DGKB: variants seen among roughly 807,000 people sequenced by gnomAD.
DGKB encodes 90 kDa diacylglycerol kinase.
A neutral mutation model predicts 114.3 loss-of-function variants in DGKB; 67 were observed. The observed-to-expected ratio is 0.59, with a 90% CI of 0.48 to 0.72. The LOEUF (loss-of-function observed/expected upper bound fraction) is 0.72, where lower values mean the gene tolerates loss of function less well. Among genes scored for constraint, DGKB ranks in the 30% least tolerant of loss-of-function variants. The pLI, the probability that DGKB is intolerant of heterozygous loss-of-function variation, is 0.00. For missense variants in DGKB, 907 were observed against 975.2 expected (o/e 0.93, Z 0.93); for synonymous variants, 398 against 323.1 (o/e 1.23, Z -2.49).
rs529052960 is a variant in DGKB at position 14,896,615 on chromosome 7, G to C, written c.-188+5977C>G. On this transcript the variant is annotated intron_variant, in intron 1 of 25. Transcript: ENST00000402815. ...GCTAATATTTTTTAATGTTTATTAT[G>C]TGTATTCTGTTTAAGCCCCTTACAT... is the stretch of plus-strand genomic sequence containing the variant. Among the ~76,000 whole-genome samples, 6 of 151,626 alleles carry C rather than the reference G, an allele frequency of 4.0e-5. No individual in the cohort carries two copies. The South Asian group carries it at 1.2e-3, about 31-fold the overall frequency.
chr7:14,704,677 C>T (rs1182488150), intron 6 of DGKB, among the ~76,000 whole-genome samples: 2 of 152,086 alleles, frequency 1.3e-5, no homozygotes, highest in Non-Finnish European at 1.5e-5. Flanking sequence ...CCCTGAGCAG[C>T]CTAACTGGGA....
chr7:14,724,823 C>A (rs764949526), intron 5 of DGKB, among the ~76,000 whole-genome samples: 1 of 152,172 alleles, frequency 6.6e-6, no homozygotes, highest in Non-Finnish European at 1.5e-5. Flanking sequence ...AAACTTTGGA[C>A]TCTTTTTAAA....
chr7:14,796,080 T>C (rs1414314979), intron 2 of DGKB, among the ~76,000 whole-genome samples: 1 of 152,166 alleles, frequency 6.6e-6, no homozygotes, highest in Non-Finnish European at 1.5e-5. Flanking sequence ...TCCAAATTTA[T>C]GGTAAAGCTT....
intron 21 of DGKB, among the ~76,000 whole-genome samples, chr7:14,455,300 A>G (rs1423138876): frequency 1.3e-5 from 2 of 152,076 alleles, no homozygotes; most frequent in South Asian, 2.1e-4. Flanking sequence ...AATCATGAAC[A>G]TTTGTTAAAA....
intron 21 of DGKB, among the ~76,000 whole-genome samples, chr7:14,445,859 G>A (rs565158498): frequency 6.6e-6 from 1 of 151,950 alleles, no homozygotes; most frequent in East Asian, 1.9e-4. Context: ...TTGATATTCT[G>A]AAACATAGAC....
intron 20 of DGKB, among the ~76,000 whole-genome samples, chr7:14,481,110 T>C (rs1782923961): frequency 6.6e-6 from 1 of 152,000 alleles, no homozygotes; most frequent in Non-Finnish European, 1.5e-5. Flanking sequence ...AAAAATGTAA[T>C]TAGCAACTTT....
chr7:14,607,299 C>T (rs544523177), intron 17 of DGKB, 135 bp downstream of exon 17: 12 of 572,902 alleles, frequency 2.1e-5, no homozygotes, highest in South Asian at 1.0e-4. Flanking sequence ...ATTTCTCTTA[C>T]GTAGTTGATA....
intron 21 of DGKB, among the ~76,000 whole-genome samples, chr7:14,371,175 A>G (rs1474732591): frequency 1.3e-5 from 2 of 151,990 alleles, no homozygotes; most frequent in Non-Finnish European, 2.9e-5. Flanking sequence ...TTTCTTTTGG[A>G]TATATACCCA....
chr7:14,626,049 G>C (rs1808517392), intron 14 of DGKB, among the ~76,000 whole-genome samples: 1 of 151,844 alleles, frequency 6.6e-6, no homozygotes, highest in Non-Finnish European at 1.5e-5. Flanking sequence ...AAAATAGAAA[G>C]GTGAAATGAA....
chr7:14,726,815 TA>T (rs1830100934), intron 5 of DGKB, among the ~76,000 whole-genome samples: 1 of 152,212 alleles, frequency 6.6e-6, no homozygotes, highest in Non-Finnish European at 1.5e-5. Context: ...TTTATAATCA[TA>T]AACACAATAA....
At chr7:14,702,083 A>C (rs1157625672) in intron 6 of DGKB, among the ~76,000 whole-genome samples, 3 of 152,208 alleles carry the variant, frequency 2.0e-5, no homozygotes, top group Non-Finnish European at 4.4e-5. Flanking sequence ...AGAGTGCATA[A>C]GGAAAAACAA....
At chr7:14,462,313 A>G (rs1833201373) in intron 21 of DGKB, among the ~76,000 whole-genome samples, 1 of 152,180 alleles carries the variant, frequency 6.6e-6, no homozygotes, top group South Asian at 2.1e-4. Flanking sequence ...AGGAAGTCAA[A>G]TTGTCTCTGT....
chr7:14,361,491 A>T (rs1815731621), intron 21 of DGKB, among the ~76,000 whole-genome samples: 1 of 151,996 alleles, frequency 6.6e-6, no homozygotes, highest in Non-Finnish European at 1.5e-5. Context: ...TGACTCCCTG[A>T]AATATCATGA....
chr7:14,241,981 C>T (rs1025723326), intron 23 of DGKB, among the ~76,000 whole-genome samples: 13 of 90,662 alleles, frequency 1.4e-4, no homozygotes, highest in Non-Finnish European at 1.9e-4. Context: ...CACACACACA[C>T]ACACACATAT....
chr7:14,734,955 G>C (rs997622614), intron 5 of DGKB, among the ~76,000 whole-genome samples: 3 of 152,106 alleles, frequency 2.0e-5, no homozygotes, highest in African/African-American at 7.2e-5. Flanking sequence ...GGGGCGGTGG[G>C]GTGGGGAGTC....
At chr7:14,852,820 A>G (rs1334708182) in intron 1 of DGKB, among the ~76,000 whole-genome samples, 1 of 152,174 alleles carries the variant, frequency 6.6e-6, no homozygotes, top group African/African-American at 2.4e-5. Context: ...TGATAAATTT[A>G]TCTTTATTTT....
At chr7:14,694,045 C>A in intron 9 of DGKB, 30 bp downstream of exon 9, 1 of 1,558,452 alleles carries the variant, frequency 6.4e-7, no homozygotes, top group South Asian at 1.2e-5. Flanking sequence ...GACTCACCAC[C>A]AGGCCACCCT....
At chr7:14,556,754 C>G (rs1795934770) in intron 20 of DGKB, among the ~76,000 whole-genome samples, 1 of 152,028 alleles carries the variant, frequency 6.6e-6, no homozygotes, top group Non-Finnish European at 1.5e-5. Flanking sequence ...TTATTTTTGT[C>G]TGCTATTGTT....
At chr7:14,321,436 A>C (rs567053297) in intron 23 of DGKB, among the ~76,000 whole-genome samples, 292 of 152,254 alleles carry the variant, frequency 1.9e-3, no homozygotes, top group Admixed American at 3.2e-3. Context: ...TAAAGAAGAA[A>C]TCTTTAACCT....
Sources: allele counts gnomAD v4.1 joint callset (sites outside exome capture counted in the v4.1 genomes callset), GRCh38; gene constraint gnomAD v4.1.1; transcripts MANE v1.5; gene names NCBI Gene and HGNC (gene_info 2026-07-23, HGNC 2026-07-21).